Variants in GRIA4 observed in about 807,000 individuals in gnomAD.
GRIA4 encodes the protein glutamate receptor 4.
In GRIA4, 34 loss-of-function variants were observed where a neutral mutation model predicts 104.0. That is an observed-to-expected ratio of 0.33 (90% CI 0.25 to 0.44). GRIA4 has a LOEUF of 0.44. Ranked by LOEUF, GRIA4 falls within the 20% of genes least tolerant of loss-of-function variation. The pLI is 1.00. For synonymous variants in GRIA4, 386 were observed against 381.9 expected, an observed-to-expected ratio of 1.01 and a Z score of -0.13; for missense variants, 750 against 1,096.5, an observed-to-expected ratio of 0.68 and a Z score of 4.46.
intron 3 of GRIA4, among the ~76,000 whole-genome samples, chr11:105,696,767 T>A (rs1423272601): frequency 7.0e-5 from 3 of 42,992 alleles, no homozygotes; most frequent in Non-Finnish European, 1.0e-4. Flanking sequence ...TTCTTTCTGA[T>A]TTTTTTTTTT....
At chr11:105,728,938 G>A (rs752115015) in intron 3 of GRIA4, among the ~76,000 whole-genome samples, 27 of 151,904 alleles carry the variant, frequency 1.8e-4, no homozygotes, top group Non-Finnish European at 3.1e-4. Flanking sequence ...ATCACAATTA[G>A]AAGAACTAGA....
chr11:105,822,607 A>G (rs1943616554), intron 4 of GRIA4, among the ~76,000 whole-genome samples: 1 of 152,116 alleles, frequency 6.6e-6, no homozygotes, highest in Non-Finnish European at 1.5e-5. Flanking sequence ...TTCTTCAATT[A>G]TATGTTCATG....
intron 3 of GRIA4, among the ~76,000 whole-genome samples, chr11:105,749,751 G>A (rs1012711592): frequency 1.3e-5 from 2 of 152,262 alleles, no homozygotes; most frequent in African/African-American, 4.8e-5. Context: ...AGTATCATGT[G>A]TTTATTGTAT....
intron 4 of GRIA4, among the ~76,000 whole-genome samples, chr11:105,826,030 A>G (rs1426685846): frequency 6.6e-6 from 1 of 151,988 alleles, no homozygotes; most frequent in East Asian, 1.9e-4. Context: ...TGGGCCCCGT[A>G]TCCAACAAAG....
At chr11:105,799,988 G>C (rs1420805083) in intron 4 of GRIA4, among the ~76,000 whole-genome samples, 1 of 152,128 alleles carries the variant, frequency 6.6e-6, no homozygotes, top group Non-Finnish European at 1.5e-5. Flanking sequence ...ATACATTGGA[G>C]AGGGCAAAGG....
rs145712493 is a variant in GRIA4, at chr11:105,810,387, C to T, written c.488-51637C>T. On this transcript the variant is annotated intron_variant, in intron 4 of 16. Coordinates refer to ENST00000282499, the MANE Select transcript of GRIA4 (RefSeq NM_000829.4). Reference sequence around the variant, plus strand: ...GAGAAGTAGTTCTTGACCCAAGAGACAGGTTTAGTTGCTCTCACTAACCAT... The same window carrying T: ...GAGAAGTAGTTCTTGACCCAAGAGATAGGTTTAGTTGCTCTCACTAACCAT... Among the ~76,000 whole-genome samples the T allele has an allele frequency of 2.6e-5, 4 of 152,276 alleles. No individual in the cohort carries two copies. In the East Asian group the frequency reaches 7.7e-4, roughly 29 times the overall value.
At chr11:105,712,488 A>C (rs1016047039) in intron 3 of GRIA4, among the ~76,000 whole-genome samples, 7 of 152,070 alleles carry the variant, frequency 4.6e-5, no homozygotes, top group Admixed American at 2.0e-4. Flanking sequence ...AATACCATAT[A>C]AATGGAAAAG....
At chr11:105,963,263 A>G (rs1027493139) in intron 14 of GRIA4, among the ~76,000 whole-genome samples, 1 of 152,142 alleles carries the variant, frequency 6.6e-6, no homozygotes, top group Non-Finnish European at 1.5e-5. Context: ...TATTACTAAT[A>G]ACATGTAGAA....
intron 4 of GRIA4, among the ~76,000 whole-genome samples, chr11:105,833,953 T>G (rs972801459): frequency 2.6e-5 from 4 of 152,104 alleles, no homozygotes; most frequent in Non-Finnish European, 5.9e-5. Context: ...TACAATCATT[T>G]TACTATGCCT....
At chr11:105,838,136 AT>A (rs929387454) in intron 4 of GRIA4, among the ~76,000 whole-genome samples, 29 of 152,302 alleles carry the variant, frequency 1.9e-4, no homozygotes, top group African/African-American at 7.0e-4. Flanking sequence ...CACTAGCATT[AT>A]TTTCTAATAA....
chr11:105,701,109 G>C (rs1184302807), intron 3 of GRIA4, among the ~76,000 whole-genome samples: 2 of 152,076 alleles, frequency 1.3e-5, no homozygotes, highest in African/African-American at 4.8e-5. Context: ...GGTTTAGTTT[G>C]AAAGTTTTTC....
chr11:105,920,509 A>G (rs17104715), intron 11 of GRIA4, among the ~76,000 whole-genome samples: 9,158 of 152,176 alleles, frequency 0.06, 296 homozygotes, highest in Non-Finnish European at 0.078. Context: ...TTTCTGAGGC[A>G]TTTGTCATAC....
intron 4 of GRIA4, among the ~76,000 whole-genome samples, chr11:105,793,458 G>T (rs1366623610): frequency 6.6e-6 from 1 of 152,138 alleles, no homozygotes; most frequent in Admixed American, 6.6e-5. Context: ...CCACAGCAGG[G>T]ACTATTAAAA....
chr11:105,778,327 C>T (rs1042165171), intron 4 of GRIA4, among the ~76,000 whole-genome samples: 1 of 152,180 alleles, frequency 6.6e-6, no homozygotes, highest in Admixed American at 6.5e-5. Context: ...GGGATCATTG[C>T]ATGCTATGCA....
intron 11 of GRIA4, among the ~76,000 whole-genome samples, chr11:105,920,218 A>G (rs1947521614): frequency 6.6e-6 from 1 of 152,156 alleles, no homozygotes; most frequent in South Asian, 2.1e-4. Flanking sequence ...GAGAAAAAAA[A>G]ATGCAGTTTA....
chr11:105,840,335 T>C (rs1312694757), intron 4 of GRIA4, among the ~76,000 whole-genome samples: 53 of 152,112 alleles, frequency 3.5e-4, no homozygotes, highest in Non-Finnish European at 2.9e-5. Flanking sequence ...CAATAACCAA[T>C]TTCTACCCAC....
At chr11:105,688,388 C>A (rs1038180839) in intron 3 of GRIA4, among the ~76,000 whole-genome samples, 3 of 151,854 alleles carry the variant, frequency 2.0e-5, no homozygotes, top group African/African-American at 7.3e-5. Flanking sequence ...GAAACCCCGT[C>A]TCTACTAAAA....
At chr11:105,755,006 T>C (rs943494266) in intron 4 of GRIA4, among the ~76,000 whole-genome samples, 1 of 152,208 alleles carries the variant, frequency 6.6e-6, no homozygotes, top group Non-Finnish European at 1.5e-5. Context: ...TTAGCATTTT[T>C]TTTACAAAAC....
intron 4 of GRIA4, among the ~76,000 whole-genome samples, chr11:105,765,307 C>T (rs1940880588): frequency 6.6e-6 from 1 of 152,098 alleles, no homozygotes; most frequent in African/African-American, 2.4e-5. Context: ...ATTCTGTACA[C>T]AGATATTTAG....
Sources: allele counts gnomAD v4.1 joint callset (sites outside exome capture counted in the v4.1 genomes callset), GRCh38; gene constraint gnomAD v4.1.1; transcripts MANE v1.5; gene names NCBI Gene and HGNC (gene_info 2026-07-23, HGNC 2026-07-21).